Variants in SPTLC2 observed in about 807,000 individuals in gnomAD.
SPTLC2 encodes serine palmitoyltransferase 2.
A neutral mutation model predicts 62.0 loss-of-function variants in SPTLC2; 21 were observed. That is an observed-to-expected ratio of 0.34 (90% CI 0.24 to 0.49). The LOEUF (loss-of-function observed/expected upper bound fraction) is 0.49. SPTLC2 is among the 20% of genes least tolerant of loss of function. The pLI, the probability that SPTLC2 is intolerant of heterozygous loss-of-function variation, is 0.99. For synonymous variants in SPTLC2, 261 were observed against 261.8 expected, an observed-to-expected ratio of 1.00 and a Z score of 0.03; for missense variants, 511 against 713.0, an observed-to-expected ratio of 0.72 and a Z score of 3.23.
At chr14:77,614,007 G>C (rs2079951631) in intron 1 of SPTLC2, among the ~76,000 whole-genome samples, 1 of 152,180 alleles carries the variant, frequency 6.6e-6, no homozygotes, top group Admixed American at 6.5e-5. Flanking sequence ...AAAAATACTG[G>C]TGAGAAGTAG....
chr14:77,583,240 A>AATAAAAAT (rs775867620), intron 2 of SPTLC2, among the ~76,000 whole-genome samples: 41 of 146,690 alleles, frequency 2.8e-4, no homozygotes, highest in Non-Finnish European at 4.7e-4. Context: ...TAAATAAATA[A>AATAAAAAT]AAATAATAAT....
chr14:77,601,949 CCT>C (rs1172780381), intron 1 of SPTLC2, among the ~76,000 whole-genome samples: 17 of 152,170 alleles, frequency 1.1e-4, no homozygotes, highest in Non-Finnish European at 1.6e-4. Context: ...TGCAGGGATG[CCT>C]CTCTGATTAT....
At chr14:77,591,723 TATGTATG>T (rs754340950) in intron 2 of SPTLC2, among the ~76,000 whole-genome samples, 26,429 of 148,120 alleles carry the variant, frequency 0.18, 3,098 homozygotes, top group East Asian at 0.58. Flanking sequence ...TGTATGTATG[TATGTATG>T]TATTTATTTT....
chr14:77,512,309 G>A lies in SPTLC2; in HGVS notation c.1664C>T (p.Thr555Met), dbSNP rs138652708. ...VPLLDRPFDE[T>M]TYEETED ...TCAGTCTTCTGTTTCTTCATACGTC[G>A]TCTCGTCAAAGGGCCTGTCCAGTAG... The change falls in exon 12 of 12, where the codon ACG (threonine) becomes ATG (methionine). Residue 555 changes from threonine (T) to methionine (M), a missense_variant. Thr to Met is a moderately conservative substitution (Grantham distance 81). Transcript: ENST00000216484. The A allele has an allele frequency of 4.7e-3, 7,560 of 1,614,134 alleles. 58 individuals carry two copies. The highest frequency in any genetic ancestry group is 4.4e-3 in the Non-Finnish European group (5,224 of 1,180,020).
At chr14:77,555,699 C>T (rs2079579638) in intron 7 of SPTLC2, among the ~76,000 whole-genome samples, 180 bp from the exon 8 acceptor site, 1 of 151,798 alleles carries the variant, frequency 6.6e-6, no homozygotes, top group Non-Finnish European at 1.5e-5. Context: ...TACTACAATC[C>T]CTGACTCCTG....
chr14:77,606,016 C>T (rs1031623276), intron 1 of SPTLC2, among the ~76,000 whole-genome samples: 1 of 152,218 alleles, frequency 6.6e-6, no homozygotes, highest in Non-Finnish European at 1.5e-5. Flanking sequence ...AAGGTCTTTA[C>T]ACACATTGTC....
intron 1 of SPTLC2, among the ~76,000 whole-genome samples, chr14:77,606,146 A>G (rs1332181658): frequency 6.6e-6 from 1 of 152,194 alleles, no homozygotes; most frequent in African/African-American, 2.4e-5. Flanking sequence ...CCTGACCAAC[A>G]TGGTGAAACC....
intron 9 of SPTLC2, among the ~76,000 whole-genome samples, chr14:77,549,568 A>G (rs2079545633): frequency 6.6e-6 from 1 of 152,198 alleles, no homozygotes; most frequent in African/African-American, 2.4e-5. Flanking sequence ...ACCACCAACC[A>G]TCTCAGTCTT....
At chr14:77,570,980 GA>G (rs1477185342) in intron 4 of SPTLC2, among the ~76,000 whole-genome samples, 6 of 152,144 alleles carry the variant, frequency 3.9e-5, no homozygotes. Flanking sequence ...GAGAGAAAGA[GA>G]AACAGAGATG....
In SPTLC2 at chr14:77,509,856, ATCT is replaced by A. The variant is rs2079323472; in HGVS notation, c.*2425_*2427del. 4 of 398,298 alleles carry A rather than the reference ATCT, an allele frequency of 1.0e-5. No individual in the cohort carries two copies. The highest frequency in any genetic ancestry group is 1.8e-5 in the Non-Finnish European group (4 of 225,966). 24.7% of individuals were successfully genotyped at this position (398,298 alleles called of 1,614,324 possible). ...ATAAACTTGTAACAAAATTACACTT[ATCT>A]TGAAATAACTTTGTACCAACAAAGT... On this transcript the variant is annotated 3_prime_UTR_variant, in exon 12 of 12. Transcript: ENST00000216484.
chr14:77,566,024 C>G (rs758186480), intron 5 of SPTLC2, among the ~76,000 whole-genome samples: 3 of 152,150 alleles, frequency 2.0e-5, no homozygotes, highest in Non-Finnish European at 2.9e-5. Flanking sequence ...TCTTTACTTA[C>G]CACTCTTGGC....
chr14:77,578,785 G>T, intron 3 of SPTLC2, 170 bp downstream of exon 3: 1 of 612,640 alleles, frequency 1.6e-6, no homozygotes. Flanking sequence ...GTAATAGAAA[G>T]ATATATCTTA....
At chr14:77,612,814 T>G (rs1316194154) in intron 1 of SPTLC2, among the ~76,000 whole-genome samples, 1 of 152,204 alleles carries the variant, frequency 6.6e-6, no homozygotes, top group Non-Finnish European at 1.5e-5. Context: ...GAACACAACT[T>G]TTGCCCCAAT....
chr14:77,606,373 C>CTG (rs59065946), intron 1 of SPTLC2, among the ~76,000 whole-genome samples: 7,727 of 148,190 alleles, frequency 0.052, 197 homozygotes, highest in Middle Eastern at 0.11. Context: ...AGGGAGGGGA[C>CTG]TGTGTGTGTG....
At chr14:77,614,975 A>AAC (rs1555379474) in intron 1 of SPTLC2, among the ~76,000 whole-genome samples, 17 of 151,738 alleles carry the variant, frequency 1.1e-4, no homozygotes, top group African/African-American at 4.1e-4. Flanking sequence ...GTCTGAAAAA[A>AAC]AAAAACAAAA....
chr14:77,544,031 CTTTT>C (rs1566774974), intron 9 of SPTLC2, among the ~76,000 whole-genome samples: 1 of 151,468 alleles, frequency 6.6e-6, no homozygotes, highest in Non-Finnish European at 1.5e-5. Flanking sequence ...AGACAATCCT[CTTTT>C]TTATTTTCTA....
intron 8 of SPTLC2, among the ~76,000 whole-genome samples, chr14:77,554,294 C>T (rs1196871075): frequency 1.3e-5 from 2 of 152,146 alleles, no homozygotes; most frequent in East Asian, 1.9e-4. Context: ...CAGAATTCAC[C>T]GTTTTAAAGC....
intron 4 of SPTLC2, among the ~76,000 whole-genome samples, chr14:77,574,334 C>T (rs868055483): frequency 6.6e-6 from 1 of 152,108 alleles, no homozygotes; most frequent in Non-Finnish European, 1.5e-5. Context: ...TAAAGTTGGG[C>T]TACAAACAAG....
At chr14:77,530,316 T>A (rs112381399) in intron 9 of SPTLC2, among the ~76,000 whole-genome samples, 19,750 of 148,708 alleles carry the variant, frequency 0.13, 1,384 homozygotes, top group Middle Eastern at 0.19. Context: ...GGATCTTTTT[T>A]AAAAAAAAAA....
Sources: gnomAD v4.1 joint callset for allele counts (sites outside exome capture counted in the v4.1 genomes callset) on GRCh38, gnomAD v4.1.1 for gene constraint, MANE v1.5 for transcripts, NCBI Gene and HGNC (gene_info 2026-07-23, HGNC 2026-07-21) for gene names.